The following DNAH17 variants were observed in gnomAD, a reference collection of about 807,000 sequenced individuals.
DNAH17 encodes dynein axonemal heavy chain 17.
Under a neutral mutation model 485.6 loss-of-function variants are expected in DNAH17, and 376 were observed. The ratio of observed to expected loss-of-function variants is 0.77; its 90% CI spans 0.71 to 0.84. DNAH17 has a LOEUF of 0.84. Among genes scored for constraint, DNAH17 ranks in the 40% least tolerant of loss-of-function variants. DNAH17 has a pLI of 0.00. For synonymous variants in DNAH17, 3,031 were observed against 2,405.9 expected, an observed-to-expected ratio of 1.26 and a Z score of -7.60; for missense variants, 6,370 against 5,839.3, an observed-to-expected ratio of 1.09 and a Z score of -2.96.
chr17:78,507,527 G>T lies in DNAH17; in HGVS notation c.4515C>A (p.Gly1505=). ...GGAGCTGGGTGCGGATGTCTTCGGA[G>T]CCGATGAAGATGCTCTCCAGGTGGC... The part of the protein sequence containing the change: ...TWSHLESIFI[G]SEDIRTQLPG... Residue 1505 remains glycine, a synonymous_variant, in exon 28 of 81, where the codon GGC becomes GGA. Coordinates refer to ENST00000389840, the MANE Select transcript of DNAH17 (RefSeq NM_173628.4). 1 of 1,614,036 alleles carries T rather than the reference G, an allele frequency of 6.2e-7. No individual in the cohort carries two copies. The highest frequency in any genetic ancestry group is 8.5e-7 in the Non-Finnish European group (1 of 1,179,886).
intron 26 of DNAH17, among the ~76,000 whole-genome samples, chr17:78,512,992 T>G (rs923151378): frequency 6.7e-6 from 1 of 149,794 alleles, no homozygotes; most frequent in Non-Finnish European, 1.5e-5. Flanking sequence ...TTCAGCCCCT[T>G]ATCAGCCCAG....
chr17:78,432,208 T>A (rs146661655), intron 75 of DNAH17, among the ~76,000 whole-genome samples: 54 of 146,922 alleles, frequency 3.7e-4, no homozygotes, highest in African/African-American at 6.2e-4. Flanking sequence ...ATAAATAAAA[T>A]AAATAAAAAT....
intron 51 of DNAH17, among the ~76,000 whole-genome samples, chr17:78,478,029 C>CGTGGCAT (rs2089138550): frequency 6.9e-6 from 1 of 144,494 alleles, no homozygotes; most frequent in Admixed American, 6.9e-5. Flanking sequence ...ATCACCACCA[C>CGTGGCAT]CATCACACCA....
intron 13 of DNAH17, 124 bp downstream of exon 13, chr17:78,560,616 G>T: frequency 9.1e-7 from 1 of 1,094,002 alleles, no homozygotes; most frequent in Non-Finnish European, 1.3e-6. Context: ...CACTTAAGAA[G>T]TAAAGCTTTA....
intron 17 of DNAH17, among the ~76,000 whole-genome samples, chr17:78,543,457 A>G (rs1017611700): frequency 7.3e-5 from 11 of 150,968 alleles, no homozygotes; most frequent in Non-Finnish European, 1.5e-4. Context: ...CGCCCGGCTA[A>G]TTTTTTGTAT....
chr17:78,486,491 C>T lies in DNAH17; in HGVS notation c.6834G>A (p.Trp2278Ter). The T allele has an allele frequency of 6.2e-7, 1 of 1,608,134 alleles. No individual in the cohort carries two copies. The highest frequency in any genetic ancestry group is 1.7e-5 in the Admixed American group (1 of 59,878). Residue 2278 changes from tryptophan to a stop codon, truncating the protein, a stop_gained, in exon 45 of 81, where the codon TGG becomes TGA. Coordinates refer to ENST00000389840, the MANE Select transcript of DNAH17 (RefSeq NM_173628.4). LOFTEE classifies it high-confidence loss of function. ...DLGWNPVVSSWIERRKVQSEK... is the reference protein window; with the variant it reads ...DLGWNPVVSS ...CCGACTGCACCTTGCGCCTCTCGAT[C>T]CAGCTGCTCACCACCCTGGGGGTGA...
intron 16 of DNAH17, among the ~76,000 whole-genome samples, chr17:78,550,199 C>T (rs767556037): frequency 6.6e-6 from 1 of 152,240 alleles, no homozygotes; most frequent in Non-Finnish European, 1.5e-5. Flanking sequence ...AAGAATGTTA[C>T]GACGTCCAGC....
rs114107907 is a variant in DNAH17, at chr17:78,571,597, T to C, written c.725A>G (p.His242Arg). Reference sequence around the variant, plus strand: ...GGAGAGAGGAGGCCGTACCTGTTCATGGATGCACTTGAGGTTCAGCAGCCG... The same window carrying C: ...GGAGAGAGGAGGCCGTACCTGTTCACGGATGCACTTGAGGTTCAGCAGCCG... ...DTRLLNLKCI[H>R]EQLNRPKVNK... The change falls in exon 4 of 81, where the codon CAT (histidine) becomes CGT (arginine). Residue 242 changes from histidine to arginine, a missense_variant. Coordinates refer to ENST00000389840, the MANE Select transcript of DNAH17 (RefSeq NM_173628.4). 280 of 1,613,892 alleles carry C rather than the reference T, an allele frequency of 1.7e-4. No homozygotes were observed. The African/African-American group carries it at 3.1e-3, about 18-fold the overall frequency.
intron 7 of DNAH17, among the ~76,000 whole-genome samples, chr17:78,570,029 C>G (rs2092328460): frequency 6.6e-6 from 1 of 152,198 alleles, no homozygotes; most frequent in Non-Finnish European, 1.5e-5. Context: ...TCCTCTGTCC[C>G]CGTCTTCCCT....
At position 78,485,700 on chromosome 17, in the gene DNAH17, T is replaced by C. The variant is rs751374695; in HGVS notation, c.7333A>G (p.Met2445Val). 6.2e-7 allele frequency: 1 copy of C among 1,613,886 alleles called. No individual in the cohort carries two copies. Among genetic ancestry groups the C allele is most frequent in the South Asian group, 1.1e-5 (1 of 91,080 alleles). ...AGCATCACCGGCCAGGACTTCTCCATGAGCAGGTCCATGAAGTAGCGGATG... is the reference window on the plus strand; with the variant it reads ...AGCATCACCGGCCAGGACTTCTCCACGAGCAGGTCCATGAAGTAGCGGATG... ...IRIRYFMDLL[M>V]EKSWPVMLVG... Residue 2445 changes from methionine (M) to valine (V), a missense_variant, in exon 47 of 81, where the codon ATG (methionine) becomes GTG (valine). Physicochemically the swap from Met to Val is conservative, Grantham distance 21. Coordinates refer to ENST00000389840, the MANE Select transcript of DNAH17 (RefSeq NM_173628.4).
chr17:78,570,993 G>A lies in DNAH17; in HGVS notation c.873C>T (p.Pro291=). The A allele has an allele frequency of 1.3e-6, 2 of 1,583,854 alleles. No individual in the cohort carries two copies. Among genetic ancestry groups the A allele is most frequent in the South Asian group, 1.2e-5 (1 of 86,466 alleles). ...CCATCTCCTCCAGCAGGATCCGTAGGGGCTTCAAATAGAGCACGATGTCGT... is the reference window on the plus strand; with the variant it reads ...CCATCTCCTCCAGCAGGATCCGTAGAGGCTTCAAATAGAGCACGATGTCGT... The part of the protein sequence containing the change: ...EANDIVLYLK[P]LRILLEEMEQ... The change falls in exon 6 of 81, where the codon CCC becomes CCT. Residue 291 remains proline (P), a synonymous_variant. Coordinates refer to ENST00000389840, the MANE Select transcript of DNAH17 (RefSeq NM_173628.4).
intron 6 of DNAH17, among the ~76,000 whole-genome samples, 182 bp from the exon 7 acceptor site, chr17:78,570,554 C>A (rs1160019821): frequency 2.0e-5 from 3 of 152,044 alleles, no homozygotes; most frequent in African/African-American, 7.2e-5. Flanking sequence ...CACGGCCCCA[C>A]ATGCCTTGAA....
chr17:78,495,739 TC>T (rs1039691050), intron 38 of DNAH17, 135 bp downstream of exon 38: 1 of 1,076,446 alleles, frequency 9.3e-7, no homozygotes, highest in Admixed American at 2.9e-5. Flanking sequence ...TGCCCGGCCA[TC>T]TTGGGAGCTT....
At chr17:78,465,731 C>T (rs1248851841) in intron 56 of DNAH17, among the ~76,000 whole-genome samples, 4 of 149,442 alleles carry the variant, frequency 2.7e-5, no homozygotes, top group Admixed American at 1.3e-4. Context: ...CCTCTCCGCC[C>T]GGCAGCCACC....
chr17:78,519,893 T>C (rs1392469788), intron 25 of DNAH17, among the ~76,000 whole-genome samples: 1 of 152,158 alleles, frequency 6.6e-6, no homozygotes, highest in Non-Finnish European at 1.5e-5. Flanking sequence ...GTGGATCACC[T>C]GCGGTCAGGA....
At chr17:78,556,913 G>C (rs997290888) in intron 14 of DNAH17, among the ~76,000 whole-genome samples, 1 of 152,182 alleles carries the variant, frequency 6.6e-6, no homozygotes, top group Non-Finnish European at 1.5e-5. Context: ...AGCAGACAGA[G>C]AAAACAGAAC....
chr17:78,431,587 C>T (rs929246249), intron 75 of DNAH17, among the ~76,000 whole-genome samples: 50 of 152,144 alleles, frequency 3.3e-4, no homozygotes, highest in African/African-American at 1.1e-3. Context: ...GATCTATTTC[C>T]TCAGAGCCCA....
At chr17:78,574,562 G>A in intron 2 of DNAH17, 151 bp downstream of exon 2, 1 of 673,380 alleles carries the variant, frequency 1.5e-6, no homozygotes, top group Non-Finnish European at 2.5e-6. Context: ...AGGTCAGGGT[G>A]GACGGGGCCC....
At chr17:78,516,727 C>T (rs1050553053) in intron 25 of DNAH17, among the ~76,000 whole-genome samples, 2 of 148,130 alleles carry the variant, frequency 1.4e-5, no homozygotes, top group Non-Finnish European at 3.0e-5. Flanking sequence ...GAGAGACAGA[C>T]TCAAAATCAG....
Sources: allele counts gnomAD v4.1 joint callset (sites outside exome capture counted in the v4.1 genomes callset), GRCh38; gene constraint gnomAD v4.1.1; transcripts MANE v1.5; gene names NCBI Gene and HGNC (gene_info 2026-07-23, HGNC 2026-07-21).